RNF19A: variants seen among roughly 807,000 people sequenced by gnomAD.
RNF19A encodes the protein ring finger protein 19A, RBR E3 ubiquitin protein ligase.
In RNF19A, 32 loss-of-function variants were observed where a neutral mutation model predicts 75.7. That is an observed-to-expected ratio of 0.42 (90% CI 0.32 to 0.57). The LOEUF is 0.57. RNF19A is among the 20% of genes least tolerant of loss of function. The pLI, the probability that RNF19A is intolerant of heterozygous loss-of-function variation, is 0.10. For synonymous variants in RNF19A, 335 were observed against 345.2 expected, an observed-to-expected ratio of 0.97 and a Z score of 0.33; for missense variants, 782 against 1,036.3, an observed-to-expected ratio of 0.75 and a Z score of 3.37.
chr8:100,283,320 A>G (rs544949275), intron 2 of RNF19A, among the ~76,000 whole-genome samples: 1 of 152,180 alleles, frequency 6.6e-6, no homozygotes, highest in African/African-American at 2.4e-5. Context: ...GGGTAATCAG[A>G]TATTTTTATT....
At position 100,329,754 on chromosome 8, in the gene RNF19A, C is replaced by T. The variant is rs938468067; in HGVS notation, c.-243+6354G>A. On this transcript the variant is annotated intron_variant, in intron 1 of 3. Transcript: ENST00000519527. This position sits in a 1 kb window ranked among gnomAD's most constrained non-coding sequence, Gnocchi z 4.3. Reference sequence around the variant, plus strand: ...AAGTGTCTTCCAACACTTAAAGGATCGTCTGATGAAAGAAGAAGTAGCTTC... The same window carrying T: ...AAGTGTCTTCCAACACTTAAAGGATTGTCTGATGAAAGAAGAAGTAGCTTC... 6.6e-6 allele frequency among the ~76,000 whole-genome samples: 1 copy of T among 152,110 alleles called. No individual in the cohort carries two copies. Among genetic ancestry groups the T allele is most frequent in the Non-Finnish European group, 1.5e-5 (1 of 68,010 alleles).
At chr8:100,319,529 T>A (rs955207697) in intron 1 of RNF19A, among the ~76,000 whole-genome samples, 1 of 46,944 alleles carries the variant, frequency 2.1e-5, no homozygotes, top group Non-Finnish European at 4.4e-5. Context: ...TCTGGTTCAC[T>A]TTTTTTTTTT....
chr8:100,300,901 C>T (rs1177408100), intron 1 of RNF19A, among the ~76,000 whole-genome samples: 1 of 152,048 alleles, frequency 6.6e-6, no homozygotes, highest in African/African-American at 2.4e-5. Context: ...TTCACACAGA[C>T]AAAAAAACTA....
In RNF19A at chr8:100,264,465, TG is replaced by T; in HGVS notation, c.1306+205del. ...CCAGGCCTCCGAACTGTACTTGGGG[TG>T]GAGTGGGGAGGAAGGGTATCAGCCA... On this transcript the variant is annotated intron_variant, in intron 6 of 9. Coordinates refer to ENST00000341084, the MANE Select transcript of RNF19A (RefSeq NM_183419.4). This position sits in a 1 kb window ranked among gnomAD's most constrained non-coding sequence, Gnocchi z 4.7. 1 of 583,746 alleles carries T rather than the reference TG, an allele frequency of 1.7e-6. No individual in the cohort carries two copies. 36.2% of individuals were successfully genotyped at this position (583,746 alleles called of 1,614,324 possible). A position where few individuals can be genotyped will look rare whatever the true frequency, so the allele number is the denominator to read the frequency against.
At chr8:100,309,524 CATA>C (rs974349611) in intron 1 of RNF19A, 1 of 985,404 alleles carries the variant, frequency 1.0e-6, no homozygotes, top group African/African-American at 1.7e-5. Context: ...CTCGGCCCGT[CATA>C]ATATCGCCGG....
In RNF19A at chr8:100,275,324, A is replaced by T. The variant is rs917453936; in HGVS notation, c.675-163T>A. 6.6e-6 allele frequency among the ~76,000 whole-genome samples: 1 copy of T among 152,220 alleles called. No individual in the cohort carries two copies. The highest frequency in any genetic ancestry group is 1.5e-5 in the Non-Finnish European group (1 of 68,038). ...CCAATATAAAAATGGGGGAAAATGA[A>T]GTTTACAAATGAAGATATATAAATG... On this transcript the variant is annotated intron_variant, in intron 2 of 9. Coordinates refer to ENST00000341084, the MANE Select transcript of RNF19A (RefSeq NM_183419.4). This position sits in a 1 kb window ranked among gnomAD's most constrained non-coding sequence, Gnocchi z 4.3.
At chr8:100,267,992 T>C (rs778914330) in intron 5 of RNF19A, among the ~76,000 whole-genome samples, 7 of 152,060 alleles carry the variant, frequency 4.6e-5, no homozygotes, top group Non-Finnish European at 8.8e-5. Flanking sequence ...AGTTCCCTTT[T>C]TGAAAATTGC....
chr8:100,287,695 T>C lies in RNF19A; in HGVS notation c.480A>G (p.Arg160=), dbSNP rs766545793. Residue 160 remains arginine, a synonymous_variant, in exon 2 of 10, where the codon CGA becomes CGG. Transcript: ENST00000341084. This position sits in a 1 kb window ranked among gnomAD's most constrained non-coding sequence, Gnocchi z 4.1. ...CHHRSCVDCL[R]QYLRIEISES... is the part of the protein sequence containing the mutation. ...CAGAGATTTCTATCCTTAAATATTG[T>C]CGTAAGCAATCCACACAAGATCTGT... is the stretch of plus-strand genomic sequence containing the variant. 3.7e-6 allele frequency: 6 copies of C among 1,613,930 alleles called. No homozygotes were observed. The highest frequency in any genetic ancestry group is 1.3e-5 in the African/African-American group (1 of 74,934).
chr8:100,301,553 T>A (rs1039488412), intron 1 of RNF19A, among the ~76,000 whole-genome samples: 1 of 152,178 alleles, frequency 6.6e-6, no homozygotes, highest in Non-Finnish European at 1.5e-5. Flanking sequence ...ACATATATAG[T>A]TTCAACTCTA....
In RNF19A at chr8:100,259,598, G is replaced by C. The variant is rs961925623; in HGVS notation, c.1826+256C>G. ...CAACCATCACCACTACCTAACTTCA[G>C]AACATTTTCATGATCCCAAAAAGGG... is the stretch of plus-strand genomic sequence containing the variant. On this transcript the variant is annotated intron_variant, in intron 9 of 9. Coordinates refer to ENST00000341084, the MANE Select transcript of RNF19A (RefSeq NM_183419.4). This position sits in a 1 kb window ranked among gnomAD's most constrained non-coding sequence, Gnocchi z 4.5. Among the ~76,000 whole-genome samples the C allele has an allele frequency of 1.3e-5, 2 of 152,026 alleles. No homozygotes were observed. The highest frequency in any genetic ancestry group is 2.9e-5 in the Non-Finnish European group (2 of 68,004).
At chr8:100,270,794 C>G (rs1214689402) in intron 3 of RNF19A, among the ~76,000 whole-genome samples, 3 of 152,124 alleles carry the variant, frequency 2.0e-5, no homozygotes, top group Non-Finnish European at 2.9e-5. Flanking sequence ...TTTATTCACC[C>G]ATTTACTCAA....
chr8:100,300,813 C>A (rs1821788830), intron 1 of RNF19A, among the ~76,000 whole-genome samples: 1 of 152,086 alleles, frequency 6.6e-6, no homozygotes, highest in African/African-American at 2.4e-5. Flanking sequence ...GAAAAAGCAG[C>A]CATCAAAAAA....
At chr8:100,293,447 C>T (rs967553969) in intron 1 of RNF19A, among the ~76,000 whole-genome samples, 16 of 152,212 alleles carry the variant, frequency 1.1e-4, no homozygotes, top group African/African-American at 3.6e-4. Flanking sequence ...TGGCCTCCAT[C>T]GTTTCTGACA....
chr8:100,328,952 G>A (rs1346674584), intron 1 of RNF19A, among the ~76,000 whole-genome samples: 1 of 152,296 alleles, frequency 6.6e-6, no homozygotes, highest in African/African-American at 2.4e-5. Flanking sequence ...TTCCACTAAG[G>A]ATACCGAGGT....
chr8:100,269,727 A>C lies in RNF19A; in HGVS notation c.1028+142T>G. On this transcript the variant is annotated intron_variant, in intron 4 of 9. Coordinates refer to ENST00000341084, the MANE Select transcript of RNF19A (RefSeq NM_183419.4). The surrounding 1 kb of genome is among the most constrained non-coding windows in gnomAD (Gnocchi z 5.7). ...ATTAATTCCAAATGACTAGCATAAT[A>C]ACTTGGTTTCTTTTAAATTTATTTA... 1.8e-6 allele frequency: 1 copy of C among 546,286 alleles called. No individual in the cohort carries two copies. The highest frequency in any genetic ancestry group is 2.0e-5 in the African/African-American group (1 of 51,092). The allele number at this position is 546,286 out of a possible 1,614,324, so 33.8% of individuals were successfully genotyped here. A position where few individuals can be genotyped will look rare whatever the true frequency, so the allele number is the denominator to read the frequency against.
chr8:100,279,350 A>G (rs551054187), intron 2 of RNF19A, among the ~76,000 whole-genome samples: 2 of 152,140 alleles, frequency 1.3e-5, no homozygotes, highest in African/African-American at 4.8e-5. Context: ...CAAACATTTA[A>G]TATTTGATTG....
chr8:100,315,655 G>A (rs1351384306), intron 1 of RNF19A, among the ~76,000 whole-genome samples: 2 of 152,026 alleles, frequency 1.3e-5, no homozygotes, highest in Admixed American at 6.6e-5. Context: ...TCGTCTTGTT[G>A]TTGTTGTTGT....
rs907097640 is a variant in RNF19A, at chr8:100,260,467, G to A, written c.1683-470C>T. On this transcript the variant is annotated intron_variant, in intron 8 of 9. Transcript: ENST00000341084. This position sits in a 1 kb window ranked among gnomAD's most constrained non-coding sequence, Gnocchi z 4.1. ...TATATATTTTTAGAGACAGGGTCTCGTTATGTTGCCCAGGCTGGTCTCAAA... is the reference window on the plus strand; with the variant it reads ...TATATATTTTTAGAGACAGGGTCTCATTATGTTGCCCAGGCTGGTCTCAAA... 2.6e-5 allele frequency among the ~76,000 whole-genome samples: 4 copies of A among 151,924 alleles called. No homozygotes were observed. The highest frequency in any genetic ancestry group is 7.3e-5 in the African/African-American group (3 of 41,370).
At position 100,257,894 on chromosome 8, in the gene RNF19A, T is replaced by G. The variant is rs1274628771; in HGVS notation, c.*662A>C. ...ATATGCTTAATTACTTACCTTTACA[T>G]TTTTTCCTCTAAGATGGCATCAACA... On this transcript the variant is annotated 3_prime_UTR_variant, in exon 10 of 10. Coordinates refer to ENST00000341084, the MANE Select transcript of RNF19A (RefSeq NM_183419.4). 5.0e-6 allele frequency: 2 copies of G among 397,258 alleles called. No individual in the cohort carries two copies. The highest frequency in any genetic ancestry group is 8.9e-6 in the Non-Finnish European group (2 of 225,222). 24.6% of individuals were successfully genotyped at this position (397,258 alleles called of 1,614,324 possible). A position where few individuals can be genotyped will look rare whatever the true frequency, so the allele number is the denominator to read the frequency against.
Sources: gnomAD v4.1 joint callset for allele counts (sites outside exome capture counted in the v4.1 genomes callset) on GRCh38, gnomAD v4.1.1 for gene constraint, Gnocchi (gnomAD v3.1) non-coding constraint, MANE v1.5 for transcripts, NCBI Gene and HGNC (gene_info 2026-07-23, HGNC 2026-07-21) for gene names.